The following PRKCE variants were observed in gnomAD, a reference collection of about 807,000 sequenced individuals.
The protein encoded by PRKCE is protein kinase C epsilon type.
Under a neutral mutation model 85.4 loss-of-function variants are expected in PRKCE, and 16 were observed. The observed-to-expected ratio is 0.19, with a 90% CI of 0.13 to 0.28. The LOEUF (loss-of-function observed/expected upper bound fraction) is 0.28, where lower values mean the gene tolerates loss of function less well. Among genes scored for constraint, PRKCE ranks in the 10% least tolerant of loss-of-function variants. The pLI, the probability that PRKCE is intolerant of heterozygous loss-of-function variation, is 1.00. For missense variants in PRKCE, 573 were observed against 975.2 expected (o/e 0.59, Z 5.49); for synonymous variants, 388 against 371.5 (o/e 1.04, Z -0.51).
At chr2:46,152,700 C>G (rs920939179) in intron 13 of PRKCE, among the ~76,000 whole-genome samples, 10 of 151,894 alleles carry the variant, frequency 6.6e-5, no homozygotes, top group Admixed American at 1.3e-4. Context: ...AGGCGCCCAC[C>G]ACCATGCTCA....
chr2:46,163,747 G>A (rs888685470), intron 14 of PRKCE, among the ~76,000 whole-genome samples: 20 of 142,284 alleles, frequency 1.4e-4, no homozygotes, highest in South Asian at 4.7e-4. Flanking sequence ...AAGCTGAGGC[G>A]TACCCCACAG....
chr2:45,941,981 TTC>T (rs1196015336), intron 2 of PRKCE, among the ~76,000 whole-genome samples: 2 of 152,204 alleles, frequency 1.3e-5, no homozygotes, highest in African/African-American at 4.8e-5. Context: ...TGAAGTTTTT[TTC>T]TGAGTTGGCT....
intron 14 of PRKCE, among the ~76,000 whole-genome samples, chr2:46,161,627 G>T (rs1482480947): frequency 6.6e-6 from 1 of 152,104 alleles, no homozygotes; most frequent in Non-Finnish European, 1.5e-5. Context: ...CATCAGCAAG[G>T]GGTGTGAGGA....
chr2:45,935,633 A>G (rs1699388176), intron 2 of PRKCE, among the ~76,000 whole-genome samples: 1 of 152,132 alleles, frequency 6.6e-6, no homozygotes, highest in African/African-American at 2.4e-5. Flanking sequence ...CTAAAAATAC[A>G]AAAATCAGCT....
intron 2 of PRKCE, among the ~76,000 whole-genome samples, chr2:45,883,366 G>T (rs762650939): frequency 7.6e-4 from 116 of 152,350 alleles, no homozygotes; most frequent in Admixed American, 1.2e-3. Flanking sequence ...TAGTGTGGGT[G>T]AAGACCCGAG....
intron 11 of PRKCE, among the ~76,000 whole-genome samples, chr2:46,108,002 C>A (rs192776616): frequency 1.3e-5 from 2 of 152,318 alleles, no homozygotes; most frequent in East Asian, 3.9e-4. Context: ...GATCCTAGCT[C>A]GCTTAACCTT....
intron 1 of PRKCE, among the ~76,000 whole-genome samples, chr2:45,781,203 G>A (rs142026626): frequency 1.8e-4 from 27 of 152,200 alleles, no homozygotes; most frequent in Admixed American, 1.8e-3. Flanking sequence ...AGCCTGGTGT[G>A]GAGTATGTCT....
chr2:46,065,452 C>T (rs1216419789), intron 10 of PRKCE, among the ~76,000 whole-genome samples: 5 of 152,168 alleles, frequency 3.3e-5, no homozygotes, highest in African/African-American at 1.2e-4. Flanking sequence ...TCCATCTTCT[C>T]ATTTGTCCGG....
chr2:45,699,175 G>A (rs1328737357), intron 1 of PRKCE, among the ~76,000 whole-genome samples: 8 of 151,902 alleles, frequency 5.3e-5, no homozygotes. Flanking sequence ...CTCCCTGTCT[G>A]CTGTTCGTCC....
At chr2:46,099,343 C>T (rs1670993138) in intron 11 of PRKCE, among the ~76,000 whole-genome samples, 1 of 152,126 alleles carries the variant, frequency 6.6e-6, no homozygotes. Flanking sequence ...CTACTTGAGC[C>T]TAACAGAGGT....
chr2:45,857,672 C>G (rs1692787388), intron 2 of PRKCE, among the ~76,000 whole-genome samples: 2 of 152,034 alleles, frequency 1.3e-5, no homozygotes, highest in South Asian at 4.1e-4. Context: ...CTTGGCCTCC[C>G]AAAGTGCTGG....
At chr2:45,734,777 G>C (rs1681905402) in intron 1 of PRKCE, among the ~76,000 whole-genome samples, 1 of 152,146 alleles carries the variant, frequency 6.6e-6, no homozygotes, top group African/African-American at 2.4e-5. Context: ...GCTTGCAGCT[G>C]CGCCCCTCCT....
chr2:45,962,964 A>T (rs72804704), intron 2 of PRKCE, among the ~76,000 whole-genome samples: 2 of 152,182 alleles, frequency 1.3e-5, no homozygotes, highest in Admixed American at 6.5e-5. Flanking sequence ...GAAAAAGTTT[A>T]ATTGAAGCAG....
At chr2:45,736,341 G>A (rs1346903054) in intron 1 of PRKCE, among the ~76,000 whole-genome samples, 2 of 152,192 alleles carry the variant, frequency 1.3e-5, no homozygotes, top group Non-Finnish European at 2.9e-5. Context: ...AGGTCAGAGA[G>A]CTATTACATG....
chr2:45,977,096 C>T (rs1386741306), intron 3 of PRKCE, among the ~76,000 whole-genome samples: 12 of 152,034 alleles, frequency 7.9e-5, no homozygotes. Flanking sequence ...AGGGTTTCGC[C>T]ATGTTGGCCA....
chr2:45,718,793 A>G (rs1680370562), intron 1 of PRKCE, among the ~76,000 whole-genome samples: 3 of 152,238 alleles, frequency 2.0e-5, no homozygotes, highest in Admixed American at 6.5e-5. Context: ...AACCAGAGTC[A>G]CAAAAATAAA....
intron 1 of PRKCE, among the ~76,000 whole-genome samples, chr2:45,830,293 CGAGAGAGAGAGA>C (rs71912599): frequency 1.4e-5 from 2 of 146,208 alleles, no homozygotes; most frequent in African/African-American, 5.1e-5. Flanking sequence ...CAAAAACAAA[CGAGAGAGAGAGA>C]GAGAGAGAGA....
chr2:45,671,897 C>T (rs560289590), intron 1 of PRKCE, among the ~76,000 whole-genome samples: 6 of 152,040 alleles, frequency 3.9e-5, no homozygotes, highest in South Asian at 2.1e-4. Context: ...ACTGTCTCTA[C>T]AAAAACATTT....
At chr2:46,171,348 C>T (rs1314671593) in intron 14 of PRKCE, among the ~76,000 whole-genome samples, 1 of 152,178 alleles carries the variant, frequency 6.6e-6, no homozygotes, top group Non-Finnish European at 1.5e-5. Context: ...TGATGGTGGC[C>T]TCTTGCACTG....
Sources: gnomAD v4.1 joint callset for allele counts (sites outside exome capture counted in the v4.1 genomes callset) on GRCh38, gnomAD v4.1.1 for gene constraint, MANE v1.5 for transcripts, NCBI Gene and HGNC (gene_info 2026-07-23, HGNC 2026-07-21) for gene names.